Variants in SIPA1L2 observed in about 807,000 individuals in gnomAD.
SIPA1L2 encodes signal-induced proliferation-associated 1-like protein 2.
Under a neutral mutation model 163.9 loss-of-function variants are expected in SIPA1L2, and 56 were observed. The observed-to-expected ratio is 0.34, with a 90% CI of 0.28 to 0.43. The LOEUF is 0.43. Ranked by LOEUF, SIPA1L2 falls within the 20% of genes least tolerant of loss-of-function variation. The pLI, the probability that SIPA1L2 is intolerant of heterozygous loss-of-function variation, is 1.00. For synonymous variants in SIPA1L2, 877 were observed against 865.7 expected, an observed-to-expected ratio of 1.01 and a Z score of -0.23; for missense variants, 1,974 against 2,193.5, an observed-to-expected ratio of 0.90 and a Z score of 2.00.
At chr1:232,535,845 T>C (rs1197414715) in intron 2 of SIPA1L2, among the ~76,000 whole-genome samples, 2 of 152,228 alleles carry the variant, frequency 1.3e-5, no homozygotes, top group South Asian at 2.1e-4. Context: ...TTATTAGGCC[T>C]ACTGATTTTT....
chr1:232,592,918 G>C (rs1210282869), intron 1 of SIPA1L2, among the ~76,000 whole-genome samples: 3 of 152,074 alleles, frequency 2.0e-5, no homozygotes, highest in African/African-American at 4.8e-5. Context: ...TTAGTCCCAA[G>C]TAATGAAGAG....
At chr1:232,576,072 T>C (rs1264336004) in intron 1 of SIPA1L2, among the ~76,000 whole-genome samples, 2 of 152,196 alleles carry the variant, frequency 1.3e-5, no homozygotes, top group Non-Finnish European at 2.9e-5. Context: ...TGAAGAGGTC[T>C]GAAAATGGAT....
chr1:232,454,040 T>G (rs1307321037), intron 10 of SIPA1L2, among the ~76,000 whole-genome samples: 1 of 152,160 alleles, frequency 6.6e-6, no homozygotes, highest in African/African-American at 2.4e-5. Context: ...GCTCATTCGC[T>G]TGAATCACAA....
chr1:232,526,449 T>A (rs1667710877), intron 2 of SIPA1L2, among the ~76,000 whole-genome samples: 1 of 152,200 alleles, frequency 6.6e-6, no homozygotes, highest in Non-Finnish European at 1.5e-5. Context: ...CCACTTCAGA[T>A]CATGAGACAT....
Position 232,495,569 on chromosome 1 carries a change from A to AAG in SIPA1L2, c.1484-1910_1484-1909insCT, listed in dbSNP as rs566704008. Among the ~76,000 whole-genome samples the AAG allele has an allele frequency of 1.1e-3, 174 of 151,810 alleles. 3 individuals are homozygous for AAG. The East Asian group carries it at 0.028, about 24-fold the overall frequency. ...GACAGAGCAAGACTCCGTCTCAAAA[A>AAG]AAAAAAAAAAAAGATGAAAGGTGAA... On this transcript the variant is annotated intron_variant, in intron 3 of 22. Transcript: ENST00000674635.
intron 2 of SIPA1L2, among the ~76,000 whole-genome samples, chr1:232,533,043 G>C (rs1657077182): frequency 6.6e-6 from 1 of 152,192 alleles, no homozygotes; most frequent in Admixed American, 6.5e-5. Context: ...CTGACAGAGG[G>C]CATGGGTCAG....
chr1:232,484,550 GGC>G (rs1473061332), intron 5 of SIPA1L2, among the ~76,000 whole-genome samples: 1 of 152,038 alleles, frequency 6.6e-6, no homozygotes, highest in African/African-American at 2.4e-5. Context: ...AAGTAACTCT[GGC>G]TTACGATTAC....
At chr1:232,500,768 A>G (rs959627951) in intron 3 of SIPA1L2, among the ~76,000 whole-genome samples, 2 of 152,228 alleles carry the variant, frequency 1.3e-5, no homozygotes, top group Non-Finnish European at 2.9e-5. Flanking sequence ...TAAACTTGGT[A>G]GATTCAACAG....
intron 14 of SIPA1L2, among the ~76,000 whole-genome samples, chr1:232,440,984 T>G (rs573269967): frequency 6.6e-6 from 1 of 152,356 alleles, no homozygotes; most frequent in East Asian, 1.9e-4. Context: ...TGCTTCTGTT[T>G]TGTGCCACTA....
At chr1:232,568,390 G>A (rs545585199) in intron 2 of SIPA1L2, among the ~76,000 whole-genome samples, 11 of 152,334 alleles carry the variant, frequency 7.2e-5, no homozygotes, top group African/African-American at 2.6e-4. Flanking sequence ...CTTGCTTGGT[G>A]TGGGGGCAAA....
chr1:232,577,542 T>A (rs551965351), intron 1 of SIPA1L2, among the ~76,000 whole-genome samples: 1 of 152,306 alleles, frequency 6.6e-6, no homozygotes, highest in African/African-American at 2.4e-5. Flanking sequence ...CTGGGCAAAG[T>A]AAACCGAAAC....
chr1:232,594,697 GT>G (rs1389999713), intron 1 of SIPA1L2, among the ~76,000 whole-genome samples: 11 of 151,870 alleles, frequency 7.2e-5, no homozygotes, highest in Non-Finnish European at 1.6e-4. Flanking sequence ...TCCCACCAAA[GT>G]TTTTCCAGTT....
chr1:232,496,802 C>T (rs183226130), intron 3 of SIPA1L2, among the ~76,000 whole-genome samples: 121 of 149,156 alleles, frequency 8.1e-4, no homozygotes, highest in Non-Finnish European at 1.1e-3. Flanking sequence ...GGGCCAAATG[C>T]ATCATAAGCC....
rs558935051 is a variant in SIPA1L2 at position 232,425,640 on chromosome 1, T to A, written c.4579A>T (p.Ser1527Cys). 21 of 1,612,446 alleles carry A rather than the reference T, an allele frequency of 1.3e-5. 1 individual carries two copies. In the African/African-American group the frequency reaches 1.5e-4, roughly 11 times the overall value. ...ILFSTTPPYH[S>C]TLPPRAHPAP... ...GGGTGGGCCCGCGGAGGCAGCGTGCTGTGGTAGGGTGGGGTGGTGCTGAAC... is the reference window on the plus strand; with the variant it reads ...GGGTGGGCCCGCGGAGGCAGCGTGCAGTGGTAGGGTGGGGTGGTGCTGAAC... The change falls in exon 18 of 23, where the codon AGC becomes TGC. Residue 1527 changes from serine to cysteine, a missense_variant. This residue lies in a region of SIPA1L2 where 1,079 missense variants were observed against 1,150.7 expected (regional missense o/e 0.94). Transcript: ENST00000674635.
intron 2 of SIPA1L2, among the ~76,000 whole-genome samples, chr1:232,572,300 C>G (rs935226149): frequency 2.6e-5 from 4 of 152,166 alleles, no homozygotes; most frequent in Admixed American, 2.6e-4. Flanking sequence ...CAAGGGCAGC[C>G]GTACAATGTG....
intron 1 of SIPA1L2, among the ~76,000 whole-genome samples, chr1:232,579,318 G>T (rs367924579): frequency 2.0e-5 from 3 of 152,016 alleles, no homozygotes; most frequent in East Asian, 3.9e-4. Context: ...TTTTGTTTTT[G>T]TTTGTGTTTG....
chr1:232,598,789 T>C (rs7531054), intron 1 of SIPA1L2, among the ~76,000 whole-genome samples: 89,209 of 151,818 alleles, frequency 0.59, 27,136 homozygotes, highest in East Asian at 0.76. Context: ...CTGTCAATAC[T>C]ATCACCTTGG....
intron 3 of SIPA1L2, among the ~76,000 whole-genome samples, chr1:232,494,253 A>G (rs562098208): frequency 1.3e-5 from 2 of 152,372 alleles, no homozygotes; most frequent in East Asian, 3.9e-4. Flanking sequence ...GTTAGTTTCT[A>G]AAGTCAAATT....
chr1:232,401,700 C>A (rs1004650129), intron 22 of SIPA1L2, among the ~76,000 whole-genome samples: 5 of 152,198 alleles, frequency 3.3e-5, no homozygotes, highest in Admixed American at 6.5e-5. Context: ...GCTCTTCACC[C>A]TCATCATAAT....
Sources: allele counts gnomAD v4.1 joint callset (sites outside exome capture counted in the v4.1 genomes callset), GRCh38; gene constraint gnomAD v4.1.1; regional missense constraint gnomAD v4.1.1; transcripts MANE v1.5; gene names NCBI Gene and HGNC (gene_info 2026-07-23, HGNC 2026-07-21).